CACNA2D3: variants seen among roughly 807,000 people sequenced by gnomAD.
CACNA2D3 encodes the protein calcium voltage-gated channel auxiliary subunit alpha2delta 3.
Under a neutral mutation model 160.6 loss-of-function variants are expected in CACNA2D3, and 60 were observed. The ratio of observed to expected loss-of-function variants is 0.37; its 90% CI spans 0.30 to 0.46. The LOEUF (loss-of-function observed/expected upper bound fraction) is 0.46, where lower values mean the gene tolerates loss of function less well. Ranked by LOEUF, CACNA2D3 falls within the 20% of genes least tolerant of loss-of-function variation. The pLI is 1.00. For synonymous variants in CACNA2D3, 558 were observed against 492.9 expected, an observed-to-expected ratio of 1.13 and a Z score of -1.75; for missense variants, 1,205 against 1,365.0, an observed-to-expected ratio of 0.88 and a Z score of 1.85.
intron 3 of CACNA2D3, among the ~76,000 whole-genome samples, chr3:54,337,109 C>T (rs1465495215): frequency 1.3e-5 from 2 of 152,066 alleles, no homozygotes; most frequent in African/African-American, 2.4e-5. Context: ...GACAGAAATC[C>T]GCACACACGG....
intron 5 of CACNA2D3, among the ~76,000 whole-genome samples, chr3:54,561,777 G>A (rs144473985): frequency 1.0e-3 from 155 of 152,280 alleles, no homozygotes; most frequent in African/African-American, 3.6e-3. Flanking sequence ...TTATCCATCT[G>A]TATTGGCCTG....
chr3:54,459,191 T>C (rs1700454025), intron 4 of CACNA2D3, among the ~76,000 whole-genome samples: 1 of 152,092 alleles, frequency 6.6e-6, no homozygotes, highest in Non-Finnish European at 1.5e-5. Context: ...TTTGGGTTGG[T>C]TCCAAGTCTT....
intron 25 of CACNA2D3, among the ~76,000 whole-genome samples, chr3:54,892,765 G>A (rs1337314895): frequency 1.3e-5 from 2 of 152,136 alleles, no homozygotes; most frequent in South Asian, 2.1e-4. Context: ...TCTGCTGCTG[G>A]CATTGAGACT....
intron 12 of CACNA2D3, among the ~76,000 whole-genome samples, chr3:54,752,921 C>T (rs1292907609): frequency 2.0e-5 from 3 of 148,324 alleles, no homozygotes; most frequent in Non-Finnish European, 1.5e-5. Flanking sequence ...AGTGCAGTAA[C>T]GCGATCTCAG....
intron 27 of CACNA2D3, among the ~76,000 whole-genome samples, chr3:54,904,836 C>T (rs1005051007): frequency 4.6e-5 from 7 of 152,138 alleles, no homozygotes; most frequent in Non-Finnish European, 8.8e-5. Flanking sequence ...GATAATCACT[C>T]AGTAGCTAAA....
At chr3:54,191,389 AAACATC>A (rs1374690299) in intron 2 of CACNA2D3, among the ~76,000 whole-genome samples, 3 of 107,452 alleles carry the variant, frequency 2.8e-5, no homozygotes, top group African/African-American at 1.1e-4. Flanking sequence ...TTTTCTTTTA[AAACATC>A]AACATCATCA....
chr3:55,037,006 T>C (rs560415650), intron 35 of CACNA2D3, among the ~76,000 whole-genome samples: 153 of 139,946 alleles, frequency 1.1e-3, no homozygotes, highest in African/African-American at 4.1e-3. Flanking sequence ...TTTGGCCAGG[T>C]TTCCCAGGTG....
chr3:54,797,022 C>T (rs529989293), intron 13 of CACNA2D3, among the ~76,000 whole-genome samples: 2 of 152,256 alleles, frequency 1.3e-5, no homozygotes, highest in East Asian at 3.9e-4. Context: ...TTAGAGCAGA[C>T]AGCTTTTTAA....
chr3:54,607,843 G>A (rs1356069071), intron 9 of CACNA2D3, among the ~76,000 whole-genome samples: 1 of 152,074 alleles, frequency 6.6e-6, no homozygotes, highest in Non-Finnish European at 1.5e-5. Context: ...CCTTCAGCAC[G>A]GGAATGAATA....
chr3:54,489,170 TTG>T (rs1251017911), intron 4 of CACNA2D3, among the ~76,000 whole-genome samples: 9 of 152,186 alleles, frequency 5.9e-5, no homozygotes, highest in Admixed American at 5.2e-4. Flanking sequence ...GGATCTTGTC[TTG>T]TGTCCTAAGA....
At chr3:54,303,379 C>G (rs998515340) in intron 2 of CACNA2D3, among the ~76,000 whole-genome samples, 2 of 152,230 alleles carry the variant, frequency 1.3e-5, no homozygotes, top group African/African-American at 4.8e-5. Context: ...TATTTAATTT[C>G]CTGATGGAAA....
chr3:54,727,514 C>G (rs1237697046), intron 11 of CACNA2D3, among the ~76,000 whole-genome samples: 1 of 152,196 alleles, frequency 6.6e-6, no homozygotes, highest in African/African-American at 2.4e-5. Context: ...ACCCAAATGT[C>G]TATCAATAAT....
At chr3:54,816,189 C>T (rs1282740105) in intron 13 of CACNA2D3, among the ~76,000 whole-genome samples, 1 of 152,204 alleles carries the variant, frequency 6.6e-6, no homozygotes, top group Non-Finnish European at 1.5e-5. Flanking sequence ...AATCCTGGTG[C>T]ATACTTCCTT....
chr3:54,270,457 G>C (rs369805626), intron 2 of CACNA2D3, among the ~76,000 whole-genome samples: 1 of 152,138 alleles, frequency 6.6e-6, no homozygotes, highest in Admixed American at 6.5e-5. Context: ...AGATGTTGAC[G>C]GTCTTCATTC....
intron 8 of CACNA2D3, among the ~76,000 whole-genome samples, chr3:54,575,871 C>T (rs151176302): frequency 1.1e-3 from 164 of 152,174 alleles, no homozygotes; most frequent in African/African-American, 3.9e-3. Context: ...GTGTAAGATC[C>T]CCCTACCCCA....
intron 5 of CACNA2D3, among the ~76,000 whole-genome samples, chr3:54,514,684 C>T (rs980448362): frequency 6.6e-6 from 1 of 151,694 alleles, no homozygotes; most frequent in East Asian, 1.9e-4. Flanking sequence ...CCTGGGTGAA[C>T]TGGGAAGGTG....
intron 4 of CACNA2D3, among the ~76,000 whole-genome samples, chr3:54,454,679 A>C (rs1196843694): frequency 2.0e-5 from 3 of 152,170 alleles, no homozygotes; most frequent in Non-Finnish European, 2.9e-5. Flanking sequence ...CTACAGTGCT[A>C]TGAAACATTA....
At chr3:54,525,572 A>T (rs1012302157) in intron 5 of CACNA2D3, among the ~76,000 whole-genome samples, 6 of 152,248 alleles carry the variant, frequency 3.9e-5, no homozygotes, top group South Asian at 2.1e-4. Flanking sequence ...ATTCATTTTT[A>T]AAAAATAGCT....
intron 9 of CACNA2D3, among the ~76,000 whole-genome samples, chr3:54,613,036 G>A (rs1390900695): frequency 2.0e-5 from 3 of 152,144 alleles, no homozygotes; most frequent in Non-Finnish European, 4.4e-5. Flanking sequence ...TTCACAGGTG[G>A]ATACAAACAA....
Sources: allele counts gnomAD v4.1 joint callset (sites outside exome capture counted in the v4.1 genomes callset), GRCh38; gene constraint gnomAD v4.1.1; transcripts MANE v1.5; gene names NCBI Gene and HGNC (gene_info 2026-07-23, HGNC 2026-07-21).